KIRREL1: variants seen among roughly 807,000 people sequenced by gnomAD.
KIRREL1 encodes the protein kin of IRRE-like protein 1.
KIRREL1 carries 25 observed loss-of-function variants against 83.3 expected under a neutral mutation model. That is an observed-to-expected ratio of 0.30 (90% confidence interval 0.22 to 0.42). The LOEUF is 0.42. KIRREL1 is among the 10% of genes least tolerant of loss of function. KIRREL1 has a pLI of 1.00. For missense variants in KIRREL1, 812 were observed against 1,032.3 expected, an observed-to-expected ratio of 0.79 and a Z score of 2.92; for synonymous variants, 388 against 410.4, an observed-to-expected ratio of 0.95 and a Z score of 0.66.
At chr1:158,006,705 G>T (rs1659528401) in intron 1 of KIRREL1, among the ~76,000 whole-genome samples, 1 of 152,144 alleles carries the variant, frequency 6.6e-6, no homozygotes, top group African/African-American at 2.4e-5. Flanking sequence ...GAGCAGCTGG[G>T]GGCTGGAGGA....
chr1:158,051,210 TTCCCCTG>T (rs1660903136), intron 1 of KIRREL1, among the ~76,000 whole-genome samples: 1 of 152,154 alleles, frequency 6.6e-6, no homozygotes, highest in South Asian at 2.1e-4. Flanking sequence ...ACTCGGTGCC[TTCCCCTG>T]TCCCCTTGCC....
intron 1 of KIRREL1, among the ~76,000 whole-genome samples, chr1:157,998,100 G>C (rs1414537003): frequency 2.0e-5 from 3 of 152,080 alleles, no homozygotes; most frequent in Non-Finnish European, 4.4e-5. Context: ...AAACTCCAAG[G>C]CTCAACCGCT....
chr1:158,017,730 G>T (rs1308559371), intron 1 of KIRREL1, among the ~76,000 whole-genome samples: 2 of 143,976 alleles, frequency 1.4e-5, no homozygotes, highest in African/African-American at 5.3e-5. Flanking sequence ...TTCTGAGAAA[G>T]AAAATAGTTT....
At chr1:158,086,847 C>CTAGAGTCCCCA in intron 5 of KIRREL1, 101 bp downstream of exon 5, 1 of 1,122,332 alleles carries the variant, frequency 8.9e-7, no homozygotes, top group Non-Finnish European at 1.3e-6. Flanking sequence ...AAGAGTCCCC[C>CTAGAGTCCCCA]TATGGTCCCC....
rs1662380336 is a variant in KIRREL1, at chr1:158,097,307, C to G, written c.*2187C>G. On this transcript the variant is annotated 3_prime_UTR_variant, in exon 15 of 15. Transcript: ENST00000359209. Reference sequence around the variant, plus strand: ...AAGACTTGAAGTCTAAAGATGGTGGCTTTTAAAACATGCATATTCCAAAAA... The same window carrying G: ...AAGACTTGAAGTCTAAAGATGGTGGGTTTTAAAACATGCATATTCCAAAAA... The G allele has an allele frequency of 3.2e-6, 1 of 308,094 alleles. No homozygotes were observed. The highest frequency in any genetic ancestry group is 2.2e-5 in the African/African-American group (1 of 45,626). 19.1% of individuals were successfully genotyped at this position (308,094 alleles called of 1,614,324 possible).
chr1:158,091,269 G>T, intron 10 of KIRREL1, 89 bp from the exon 11 acceptor site: 1 of 1,203,110 alleles, frequency 8.3e-7, no homozygotes, highest in South Asian at 1.4e-5. Flanking sequence ...TAGGGGTGAG[G>T]GTGCCTTGAG....
At chr1:158,080,734 G>T (rs529137157) in intron 3 of KIRREL1, among the ~76,000 whole-genome samples, 12 of 152,258 alleles carry the variant, frequency 7.9e-5, no homozygotes, top group Admixed American at 4.6e-4. Flanking sequence ...CCTTAGAGGG[G>T]CCTGAGCAGA....
intron 1 of KIRREL1, among the ~76,000 whole-genome samples, chr1:158,011,592 T>C (rs1225866070): frequency 6.6e-6 from 1 of 152,190 alleles, no homozygotes; most frequent in Non-Finnish European, 1.5e-5. Context: ...TATTGTCCCC[T>C]TTCTCAGGGG....
chr1:158,059,232 G>C (rs112336081), intron 1 of KIRREL1, among the ~76,000 whole-genome samples: 1 of 152,122 alleles, frequency 6.6e-6, no homozygotes, highest in Non-Finnish European at 1.5e-5. Context: ...CTGCAGGAAC[G>C]TGCCTCTTCA....
chr1:158,096,986 C>T lies in KIRREL1; in HGVS notation c.*1866C>T, dbSNP rs1302293900. 6.6e-6 allele frequency: 3 copies of T among 456,766 alleles called. No individual in the cohort carries two copies. Among genetic ancestry groups the T allele is most frequent in the Non-Finnish European group, 1.3e-5 (3 of 227,006 alleles). 28.3% of individuals were successfully genotyped at this position (456,766 alleles called of 1,614,324 possible). On this transcript the variant is annotated 3_prime_UTR_variant, in exon 15 of 15. Coordinates refer to ENST00000359209, the MANE Select transcript of KIRREL1 (RefSeq NM_018240.7). ...TCTGGGGGGCGACATTCCTGGCCAA[C>T]CCCTTGTAGGAAGGACCAGATAATA...
intron 1 of KIRREL1, among the ~76,000 whole-genome samples, chr1:158,007,191 A>G (rs993531702): frequency 1.3e-4 from 20 of 152,336 alleles, no homozygotes; most frequent in African/African-American, 4.6e-4. Flanking sequence ...TCCCCAGTGT[A>G]TAAACACCTA....
intron 1 of KIRREL1, 86 bp from the exon 2 acceptor site, chr1:158,076,024 TCCC>T: frequency 7.9e-7 from 1 of 1,272,862 alleles, no homozygotes; most frequent in Non-Finnish European, 1.1e-6. Context: ...CTGGAGGCTC[TCCC>T]TCCTTCCAGC....
At position 158,094,615 on chromosome 1, in the gene KIRREL1, C is replaced by A; in HGVS notation, c.1798-29C>A. 6.5e-7 allele frequency: 1 copy of A among 1,527,756 alleles called. No individual in the cohort carries two copies. The highest frequency in any genetic ancestry group is 1.2e-5 in the South Asian group (1 of 83,702). 94.6% of individuals were successfully genotyped at this position (1,527,756 alleles called of 1,614,324 possible). A position where few individuals can be genotyped will look rare whatever the true frequency, so the allele number is the denominator to read the frequency against. On this transcript the variant is annotated intron_variant, in intron 14 of 14. Transcript: ENST00000359209. The surrounding 1 kb of genome is among the most constrained non-coding windows in gnomAD (Gnocchi z 4.6). ...GATCCCCACCCAAGAGGGAACACTGCCTCCATCCTCTTCTCTCATTGCCCC... is the reference window on the plus strand; with the variant it reads ...GATCCCCACCCAAGAGGGAACACTGACTCCATCCTCTTCTCTCATTGCCCC...
chr1:158,027,498 A>G (rs766226551), intron 1 of KIRREL1, among the ~76,000 whole-genome samples: 3 of 152,180 alleles, frequency 2.0e-5, no homozygotes, highest in Non-Finnish European at 2.9e-5. Flanking sequence ...ATGGAGCTGA[A>G]GGTTTCAACC....
Position 158,004,964 on chromosome 1 carries a change from T to A in KIRREL1, c.52+11236T>A, listed in dbSNP as rs889773718. On this transcript the variant is annotated intron_variant, in intron 1 of 14. Transcript: ENST00000359209. ...GTCTCAAAAATAAATAAATTAATTT[T>A]AAAAACCCCTTTCTTTCCAGGTTTC... is the stretch of plus-strand genomic sequence containing the variant. 5.9e-5 allele frequency among the ~76,000 whole-genome samples: 9 copies of A among 152,142 alleles called. 1 individual carries two copies. The highest frequency in any genetic ancestry group is 5.8e-4 in the East Asian group (3 of 5,182).
At chr1:158,061,852 G>A (rs1886497) in intron 1 of KIRREL1, among the ~76,000 whole-genome samples, 17,847 of 152,118 alleles carry the variant, frequency 0.12, 1,089 homozygotes, top group Middle Eastern at 0.18. Context: ...CCTGGAGGAC[G>A]GGGATTTGAA....
rs192111268 is a variant in KIRREL1 at position 158,033,318 on chromosome 1, C to T, written c.52+39590C>T. On this transcript the variant is annotated intron_variant, in intron 1 of 14. Transcript: ENST00000359209. ...GACTCCTGACCTCAGGTGATCCACT[C>T]GCCTCGGCCTCCCAAAGCTCTGGGA... is the stretch of plus-strand genomic sequence containing the variant. 8.5e-5 allele frequency among the ~76,000 whole-genome samples: 13 copies of T among 152,300 alleles called. No individual in the cohort carries two copies. The East Asian group carries it at 2.5e-3, about 30-fold the overall frequency.
intron 1 of KIRREL1, among the ~76,000 whole-genome samples, chr1:158,032,075 T>A (rs1473207785): frequency 9.3e-5 from 12 of 129,060 alleles, no homozygotes; most frequent in African/African-American, 1.9e-4. Context: ...CCAGATCCTA[T>A]AAATGAGAAA....
chr1:158,047,931 T>A (rs1660818123), intron 1 of KIRREL1, among the ~76,000 whole-genome samples: 1 of 152,196 alleles, frequency 6.6e-6, no homozygotes, highest in South Asian at 2.1e-4. Flanking sequence ...CCAGTCTGGT[T>A]TCTGCAAAAG....
Sources: gnomAD v4.1 joint callset for allele counts (sites outside exome capture counted in the v4.1 genomes callset) on GRCh38, gnomAD v4.1.1 for gene constraint, Gnocchi (gnomAD v3.1) non-coding constraint, MANE v1.5 for transcripts, NCBI Gene and HGNC (gene_info 2026-07-23, HGNC 2026-07-21) for gene names.